RHCE: variants seen among roughly 807,000 people sequenced by gnomAD.
RHCE encodes Rh blood group CcEe antigens.
A neutral mutation model predicts 43.8 loss-of-function variants in RHCE; 22 were observed. The observed-to-expected ratio is 0.50, with a 90% confidence interval of 0.36 to 0.72. The LOEUF (loss-of-function observed/expected upper bound fraction) is 0.72. Ranked by LOEUF, RHCE falls within the 30% of genes least tolerant of loss-of-function variation. The pLI is 0.00. For missense variants in RHCE, 385 were observed against 525.4 expected (o/e 0.73, Z 2.61); for synonymous variants, 156 against 210.7 (o/e 0.74, Z 2.25).
At chr1:25,362,683 G>A in intron 9 of RHCE, 130 bp from the exon 10 acceptor site, 1 of 579,852 alleles carries the variant, frequency 1.7e-6, no homozygotes, top group South Asian at 2.0e-5. Flanking sequence ...TGAATTGGAA[G>A]AGATCTTGGA....
intron 6 of RHCE, among the ~76,000 whole-genome samples, chr1:25,387,969 C>T (rs866838728): frequency 3.3e-5 from 5 of 151,978 alleles, no homozygotes; most frequent in African/African-American, 7.2e-5. Context: ...GACAGGTGCC[C>T]GCCACCACGC....
chr1:25,381,201 C>A (rs114311594), intron 7 of RHCE, among the ~76,000 whole-genome samples: 4,573 of 152,286 alleles, frequency 0.03, 128 homozygotes, highest in Middle Eastern at 0.048. Flanking sequence ...GACTCTGGCA[C>A]AGACAAAGTT....
chr1:25,369,708 T>C (rs1205000777), intron 9 of RHCE, among the ~76,000 whole-genome samples: 5 of 150,156 alleles, frequency 3.3e-5, no homozygotes, highest in Non-Finnish European at 7.4e-5. Flanking sequence ...GGACTCAGCC[T>C]GGATACTCAC....
chr1:25,410,704 C>T (rs1379146468), intron 1 of RHCE, among the ~76,000 whole-genome samples: 1 of 152,076 alleles, frequency 6.6e-6, no homozygotes. Flanking sequence ...CCAGCCTAGA[C>T]AATGTTTTTC....
At chr1:25,393,159 C>G (rs1646433197) in intron 3 of RHCE, among the ~76,000 whole-genome samples, 1 of 152,046 alleles carries the variant, frequency 6.6e-6, no homozygotes, top group African/African-American at 2.4e-5. Flanking sequence ...CTAAAAATAC[C>G]CAGAATTGGC....
chr1:25,373,836 CTT>C (rs59722323), intron 8 of RHCE, among the ~76,000 whole-genome samples: 11 of 143,202 alleles, frequency 7.7e-5, no homozygotes, highest in Non-Finnish European at 6.1e-5. Context: ...TATTTTCTTT[CTT>C]TTTTTTTTTT....
chr1:25,384,171 A>G lies in RHCE; in HGVS notation c.1073+1540T>C, dbSNP rs1340033239. On this transcript the variant is annotated intron_variant, in intron 7 of 9. Coordinates refer to ENST00000294413, the MANE Select transcript of RHCE (RefSeq NM_020485.8). ...TGCTGTGGAGAACCAATGCTTCCAG[A>G]GAACCACAGAATCACAGAATTGGGA... is the stretch of plus-strand genomic sequence containing the variant. Among the ~76,000 whole-genome samples, 5 of 151,380 alleles carry G rather than the reference A, an allele frequency of 3.3e-5. No homozygotes were observed. In the East Asian group the frequency reaches 7.8e-4, roughly 24 times the overall value.
chr1:25,415,508 C>T (rs562780726), intron 1 of RHCE, among the ~76,000 whole-genome samples: 2,756 of 152,114 alleles, frequency 0.018, 63 homozygotes, highest in African/African-American at 0.063. Context: ...CAAAATTAGC[C>T]GGGCGTGGTG....
intron 7 of RHCE, among the ~76,000 whole-genome samples, chr1:25,378,029 T>G (rs1199832403): frequency 6.6e-6 from 1 of 152,178 alleles, no homozygotes; most frequent in African/African-American, 2.4e-5. Context: ...CTAACTTGAA[T>G]AGACATTTCA....
Position 25,416,552 on chromosome 1 carries a change from C to T in RHCE, c.148+4087G>A, listed in dbSNP as rs183870669. The stretch of plus-strand genomic sequence containing the variant: ...TGCTGGGATTACAGGCGTGAGCCAC[C>T]GCACCCAGCCTTTATGTTTTATTTA... On this transcript the variant is annotated intron_variant, in intron 1 of 9. Transcript: ENST00000294413. 3.0e-3 allele frequency among the ~76,000 whole-genome samples: 463 copies of T among 152,202 alleles called. 3 individuals carry two copies. Among genetic ancestry groups the T allele is most frequent in the African/African-American group, 9.9e-3 (412 of 41,526 alleles).
At chr1:25,393,262 T>C (rs1430247296) in intron 3 of RHCE, among the ~76,000 whole-genome samples, 1 of 152,152 alleles carries the variant, frequency 6.6e-6, no homozygotes, top group East Asian at 1.9e-4. Flanking sequence ...CTAACTGGTC[T>C]CCCCATTTCC....
intron 1 of RHCE, among the ~76,000 whole-genome samples, chr1:25,420,202 C>T (rs1167555487): frequency 6.6e-6 from 1 of 151,808 alleles, no homozygotes; most frequent in African/African-American, 2.4e-5. Context: ...AAGAAATGAG[C>T]GAGAGGCCAC....
intron 3 of RHCE, among the ~76,000 whole-genome samples, chr1:25,397,460 G>A (rs1646585138): frequency 6.6e-6 from 1 of 150,970 alleles, no homozygotes; most frequent in South Asian, 2.1e-4. Context: ...TTGCAACATT[G>A]CCATCCAGCC....
At chr1:25,399,576 C>T (rs1646665354) in intron 3 of RHCE, among the ~76,000 whole-genome samples, 1 of 152,090 alleles carries the variant, frequency 6.6e-6, no homozygotes, top group Non-Finnish European at 1.5e-5. Flanking sequence ...GAATAATGGA[C>T]TAAGGGAAAT....
At chr1:25,408,374 C>T (rs1356585078) in intron 2 of RHCE, among the ~76,000 whole-genome samples, 1 of 122,432 alleles carries the variant, frequency 8.2e-6, no homozygotes, top group African/African-American at 2.5e-5. Flanking sequence ...TTACGTTTTC[C>T]ATAAACTTAT....
In RHCE at chr1:25,420,760, G is replaced by C. The variant is rs1470152061; in HGVS notation, c.27C>G (p.Val9=). The C allele has an allele frequency of 6.2e-7, 1 of 1,609,070 alleles. No individual in the cohort carries two copies. The highest frequency in any genetic ancestry group is 8.5e-7 in the Non-Finnish European group (1 of 1,177,330). ...GGGCGCAGAGGGGCAGGCAGCGCCG[G>C]ACAGACCGCGGGTACTTAGAGCTCA... is the stretch of plus-strand genomic sequence containing the variant. The part of the protein sequence containing the change: MSSKYPRS[V]RRCLPLCALT... Residue 9 remains valine, a synonymous_variant, in exon 1 of 10, where the codon GTC becomes GTG. Transcript: ENST00000294413.
At chr1:25,429,211 T>C (rs1446971065) in intron 1 of RHCE, among the ~76,000 whole-genome samples, 1 of 149,318 alleles carries the variant, frequency 6.7e-6, no homozygotes, top group African/African-American at 2.5e-5. Flanking sequence ...TGGCATCTAC[T>C]TCCTGGGAAG....
At chr1:25,380,807 T>C (rs926104639) in intron 7 of RHCE, among the ~76,000 whole-genome samples, 3 of 151,966 alleles carry the variant, frequency 2.0e-5, no homozygotes, top group Non-Finnish European at 2.9e-5. Context: ...AGGGGCAGTC[T>C]TGAAGATCTC....
At chr1:25,392,166 G>A in intron 3 of RHCE, 25 bp from the exon 4 acceptor site, 2 of 1,614,048 alleles carry the variant, frequency 1.2e-6, no homozygotes, top group Admixed American at 1.7e-5. Context: ...AGTAAGAGCA[G>A]TGAGTGTCGG....
Sources: gnomAD v4.1 joint callset for allele counts (sites outside exome capture counted in the v4.1 genomes callset) on GRCh38, gnomAD v4.1.1 for gene constraint, MANE v1.5 for transcripts, NCBI Gene and HGNC (gene_info 2026-07-23, HGNC 2026-07-21) for gene names.